Variants in NEK5 observed in about 807,000 individuals in gnomAD.
NEK5 encodes the protein serine/threonine-protein kinase Nek5.
In NEK5, 88 loss-of-function variants were observed where a neutral mutation model predicts 109.2. The ratio of observed to expected loss-of-function variants is 0.81; its 90% confidence interval spans 0.68 to 0.96. The LOEUF (loss-of-function observed/expected upper bound fraction) is 0.96, where lower values mean the gene tolerates loss of function less well. Among genes scored for constraint, NEK5 ranks in the 40% least tolerant of loss-of-function variants. The pLI is 0.00. For synonymous variants in NEK5, 283 were observed against 299.9 expected (o/e 0.94, Z 0.58); for missense variants, 834 against 920.7 (o/e 0.91, Z 1.22).
intron 23 of NEK5, among the ~76,000 whole-genome samples, chr13:52,048,374 C>T (rs1954476171): frequency 6.6e-6 from 1 of 151,938 alleles, no homozygotes; most frequent in Non-Finnish European, 1.5e-5. Context: ...GAGTTCGAGA[C>T]CAGCCTGAAC....
intron 12 of NEK5, among the ~76,000 whole-genome samples, chr13:52,094,831 A>G (rs753510422): frequency 1.3e-5 from 2 of 152,262 alleles, no homozygotes; most frequent in Non-Finnish European, 2.9e-5. Context: ...GCACTTTCAT[A>G]TAGTTCTATT....
intron 17 of NEK5, among the ~76,000 whole-genome samples, chr13:52,077,708 C>CTATA (rs1426630269): frequency 6.6e-6 from 1 of 152,178 alleles, no homozygotes; most frequent in Non-Finnish European, 1.5e-5. Context: ...TATACACCTA[C>CTATA]TATATGATCC....
At chr13:52,043,396 G>C (rs1197973509) in intron 23 of NEK5, among the ~76,000 whole-genome samples, 1 of 151,636 alleles carries the variant, frequency 6.6e-6, no homozygotes, top group Non-Finnish European at 1.5e-5. Context: ...AATTAGCCAG[G>C]CATGGTGGCA....
Position 52,127,414 on chromosome 13 carries a change from C to T in NEK5, c.69G>A (p.Gly23=), listed in dbSNP as rs759299316. The T allele has an allele frequency of 1.2e-6, 2 of 1,612,792 alleles. No individual in the cohort carries two copies. The highest frequency in any genetic ancestry group is 1.7e-6 in the Non-Finnish European group (2 of 1,178,770). Reference sequence around the variant, plus strand: ...TGACACAGTGCTTGCTATCTGATTTCCCTTTAGCTAAGTATGCTTTCCCGA... The same window carrying T: ...TGACACAGTGCTTGCTATCTGATTTTCCTTTAGCTAAGTATGCTTTCCCGA... ...GAFGKAYLAK[G]KSDSKHCVIK... Residue 23 remains glycine (G), a synonymous_variant, in exon 3 of 24, where the codon GGG becomes GGA. Transcript: ENST00000684899.
At chr13:52,052,037 C>T (rs1954509995) in intron 22 of NEK5, among the ~76,000 whole-genome samples, 1 of 152,164 alleles carries the variant, frequency 6.6e-6, no homozygotes, top group Non-Finnish European at 1.5e-5. Flanking sequence ...TGATCAAGGA[C>T]TCAAAAGCAT....
intron 22 of NEK5, among the ~76,000 whole-genome samples, chr13:52,056,252 C>A (rs1383929478): frequency 4.6e-5 from 7 of 151,978 alleles, no homozygotes; most frequent in Admixed American, 3.9e-4. Context: ...GCTAACTATC[C>A]TAAATATATA....
chr13:52,040,059 C>G (rs1954399841), intron 23 of NEK5, among the ~76,000 whole-genome samples: 1 of 150,144 alleles, frequency 6.7e-6, no homozygotes, highest in East Asian at 1.9e-4. Context: ...CTAGCCCTTA[C>G]CAGACACCAA....
intron 7 of NEK5, 44 bp from the exon 8 acceptor site, chr13:52,108,448 G>T: frequency 7.9e-7 from 1 of 1,267,730 alleles, no homozygotes; most frequent in Non-Finnish European, 1.1e-6. Context: ...ATTTTTTATT[G>T]GAGTAAGAAA....
At chr13:52,080,807 T>C (rs1407103045) in intron 17 of NEK5, among the ~76,000 whole-genome samples, 2 of 151,900 alleles carry the variant, frequency 1.3e-5, no homozygotes, top group African/African-American at 4.8e-5. Flanking sequence ...TGTTCACTTG[T>C]TTGTCTGCTG....
chr13:52,033,718 T>C lies in NEK5; in HGVS notation c.*3230A>G, dbSNP rs141660662. The C allele has an allele frequency of 2.1e-4, 32 of 153,732 alleles. No individual in the cohort carries two copies. Among genetic ancestry groups the C allele is most frequent in the Non-Finnish European group, 3.2e-4 (22 of 68,042 alleles). 9.5% of individuals were successfully genotyped at this position (153,732 alleles called of 1,614,324 possible). A position where few individuals can be genotyped will look rare whatever the true frequency, so the allele number is the denominator to read the frequency against. On this transcript the variant is annotated 3_prime_UTR_variant, in exon 24 of 24. Coordinates refer to ENST00000684899, the MANE Select transcript of NEK5 (RefSeq NM_001365552.1). ...TGAGGGATTTTATAAGGTCATCTTA[T>C]AGACAAAATTAAGAGACACCAGTGT... is the stretch of plus-strand genomic sequence containing the variant.
intron 4 of NEK5, among the ~76,000 whole-genome samples, chr13:52,114,362 T>C (rs1955810012): frequency 6.6e-6 from 1 of 152,228 alleles, no homozygotes; most frequent in Non-Finnish European, 1.5e-5. Context: ...TATCTATCTT[T>C]TGCTATCCTA....
rs527984352 is a variant in NEK5 at position 52,054,455 on chromosome 13, G to T, written c.2111-4234C>A. Among the ~76,000 whole-genome samples, 252 of 152,292 alleles carry T rather than the reference G, an allele frequency of 1.7e-3. 2 individuals carry two copies. Among genetic ancestry groups the T allele is most frequent in the African/African-American group, 5.9e-3 (244 of 41,552 alleles). On this transcript the variant is annotated intron_variant, in intron 22 of 23. Transcript: ENST00000684899. ...CCTGCCTCAGCCTCCCAAAGGGCTG[G>T]GATTACAGGCATGAGCCTGGCCAGG...
At chr13:52,092,602 A>G (rs1052374003) in intron 13 of NEK5, among the ~76,000 whole-genome samples, 1 of 152,128 alleles carries the variant, frequency 6.6e-6, no homozygotes, top group Non-Finnish European at 1.5e-5. Context: ...AGGGACTAAC[A>G]TGGCCAGGCA....
chr13:52,080,513 A>G (rs1249998756), intron 17 of NEK5, among the ~76,000 whole-genome samples: 1 of 152,190 alleles, frequency 6.6e-6, no homozygotes, highest in Non-Finnish European at 1.5e-5. Context: ...AGAAAGAGGT[A>G]GACATGGGAG....
intron 17 of NEK5, among the ~76,000 whole-genome samples, chr13:52,079,817 G>A (rs1056330931): frequency 1.0e-4 from 15 of 150,208 alleles, no homozygotes; most frequent in Admixed American, 9.3e-4. Flanking sequence ...AAAGTGAGGA[G>A]CGTCTCTGCC....
intron 7 of NEK5, among the ~76,000 whole-genome samples, chr13:52,109,525 C>T (rs1955717754): frequency 6.6e-6 from 1 of 152,114 alleles, no homozygotes; most frequent in Non-Finnish European, 1.5e-5. Context: ...AATCTACATT[C>T]TGAAGAAAAT....
At chr13:52,093,578 T>C (rs1955343124) in intron 12 of NEK5, among the ~76,000 whole-genome samples, 2 of 151,718 alleles carry the variant, frequency 1.3e-5, no homozygotes, top group South Asian at 4.2e-4. Context: ...AAAACCATAA[T>C]ACAAATTTAT....
At chr13:52,113,138 A>G (rs1353460482) in intron 4 of NEK5, among the ~76,000 whole-genome samples, 1 of 152,056 alleles carries the variant, frequency 6.6e-6, no homozygotes, top group Non-Finnish European at 1.5e-5. Context: ...AAAAATAGCT[A>G]TTGACCTAAA....
At chr13:52,098,167 ATAG>A (rs1955457382) in intron 12 of NEK5, among the ~76,000 whole-genome samples, 1 of 152,090 alleles carries the variant, frequency 6.6e-6, no homozygotes, top group Admixed American at 6.6e-5. Flanking sequence ...GCAGTTCTTT[ATAG>A]TAGTATGAGA....
Sources: gnomAD v4.1 joint callset for allele counts (sites outside exome capture counted in the v4.1 genomes callset) on GRCh38, gnomAD v4.1.1 for gene constraint, MANE v1.5 for transcripts, NCBI Gene and HGNC (gene_info 2026-07-23, HGNC 2026-07-21) for gene names.